Variants in COL22A1 observed in about 807,000 individuals in gnomAD.
COL22A1 encodes collagen type XXII alpha 1 chain, also known as collagen alpha-1(XXII) chain.
COL22A1 carries 221 observed loss-of-function variants against 248.9 expected under a neutral mutation model. The observed-to-expected ratio is 0.89, with a 90% CI of 0.80 to 0.99. COL22A1 has a LOEUF of 0.99. COL22A1 is among the 50% of genes least tolerant of loss of function. The probability of loss-of-function intolerance (pLI) is 0.00; values close to 1 mark genes in which losing one functional copy is unlikely to be tolerated. For synonymous variants in COL22A1, 891 were observed against 793.4 expected, an observed-to-expected ratio of 1.12 and a Z score of -2.07; for missense variants, 2,240 against 2,179.0, an observed-to-expected ratio of 1.03 and a Z score of -0.56.
At chr8:138,831,477 T>C (rs1192618877) in intron 5 of COL22A1, among the ~76,000 whole-genome samples, 1 of 152,202 alleles carries the variant, frequency 6.6e-6, no homozygotes, top group Non-Finnish European at 1.5e-5. Flanking sequence ...TAACACATTC[T>C]GTACAGAAGT....
chr8:138,903,795 C>G (rs1328859177), intron 1 of COL22A1, among the ~76,000 whole-genome samples: 1 of 152,164 alleles, frequency 6.6e-6, no homozygotes, highest in Non-Finnish European at 1.5e-5. Context: ...CCCCACATCC[C>G]CCTGGATGCT....
At chr8:138,655,222 A>C (rs1823129738) in intron 45 of COL22A1, among the ~76,000 whole-genome samples, 1 of 152,228 alleles carries the variant, frequency 6.6e-6, no homozygotes, top group Non-Finnish European at 1.5e-5. Context: ...CACATTAAAC[A>C]TTTAGTGTAG....
intron 41 of COL22A1, among the ~76,000 whole-genome samples, chr8:138,673,843 C>T (rs188458666): frequency 1.5e-4 from 23 of 152,262 alleles, no homozygotes; most frequent in African/African-American, 4.8e-4. Flanking sequence ...GGCCCAACCA[C>T]AGGGAAGGCT....
intron 59 of COL22A1, 148 bp from the exon 60 acceptor site, chr8:138,602,307 C>A: frequency 1.3e-6 from 1 of 740,918 alleles, no homozygotes. Context: ...TGATTTATGC[C>A]TACATGGTGG....
chr8:138,719,507 C>G (rs1829706239), intron 27 of COL22A1, among the ~76,000 whole-genome samples: 1 of 152,086 alleles, frequency 6.6e-6, no homozygotes, highest in African/African-American at 2.4e-5. Context: ...TTTGAGTCAA[C>G]CTGGGTGTGC....
In COL22A1 at chr8:138,650,719, CAGAT is replaced by C. The variant is rs1349813385; in HGVS notation, c.3334-945_3334-942del. On this transcript the variant is annotated intron_variant, in intron 45 of 64. Transcript: ENST00000303045. ...ATAGATAGATAGATAGATAGATAGA[CAGAT>C]AGACAGATACACAGATACATATAGA... Among the ~76,000 whole-genome samples the C allele has an allele frequency of 3.1e-3, 381 of 123,874 alleles. 1 individual carries two copies. The highest frequency in any genetic ancestry group is 0.011 in the African/African-American group (367 of 34,264). The allele number at this position is 123,874 out of a possible 152,430, so 81.3% of individuals were successfully genotyped here. A position where few individuals can be genotyped will look rare whatever the true frequency, so the allele number is the denominator to read the frequency against.
intron 42 of COL22A1, among the ~76,000 whole-genome samples, chr8:138,662,438 C>T (rs759017249): frequency 1.3e-5 from 2 of 152,104 alleles, no homozygotes; most frequent in Non-Finnish European, 2.9e-5. Flanking sequence ...TAACCAGCCC[C>T]GAGAGCTCTA....
At chr8:138,641,470 C>T (rs79702517) in intron 47 of COL22A1, among the ~76,000 whole-genome samples, 2,749 of 152,304 alleles carry the variant, frequency 0.018, 74 homozygotes, top group African/African-American at 0.062. Flanking sequence ...AGAATACATG[C>T]TCCCAGGGTC....
chr8:138,629,450 G>A (rs993340256), intron 50 of COL22A1, among the ~76,000 whole-genome samples: 11 of 152,146 alleles, frequency 7.2e-5, no homozygotes, highest in Admixed American at 3.9e-4. Flanking sequence ...CACTGTGCCC[G>A]GCCCAGTATA....
At position 138,821,213 on chromosome 8, in the gene COL22A1, T is replaced by C. The variant is rs1819094962; in HGVS notation, c.1168A>G (p.Ile390Val). ...ATGTCAATGTTCTCCCGTTCCTCGA[T>C]GGGTAGTGTCTGCACCAGCGCACAG... is the stretch of plus-strand genomic sequence containing the variant. ...IDCALVQTLP[I>V]EERENIDIQG... is the part of the protein sequence containing the mutation. The change falls in exon 7 of 65, where the codon ATC becomes GTC. Residue 390 changes from isoleucine (I) to valine (V), a missense_variant. Physicochemically the swap from Ile to Val is conservative, Grantham distance 29. Transcript: ENST00000303045. The C allele has an allele frequency of 1.5e-5, 24 of 1,614,192 alleles. No homozygotes were observed. The highest frequency in any genetic ancestry group is 2.0e-5 in the Non-Finnish European group (24 of 1,180,022).
intron 59 of COL22A1, among the ~76,000 whole-genome samples, chr8:138,603,333 G>T (rs1256660595): frequency 6.6e-6 from 1 of 152,194 alleles, no homozygotes; most frequent in Non-Finnish European, 1.5e-5. Context: ...ATTCCTGGAT[G>T]AATCTTTAAG....
intron 18 of COL22A1, among the ~76,000 whole-genome samples, chr8:138,756,774 C>T (rs762962843): frequency 4.6e-5 from 7 of 152,052 alleles, no homozygotes; most frequent in Non-Finnish European, 8.8e-5. Context: ...GAAAATGTTT[C>T]CTCTGAGACC....
rs71316364 is a variant in COL22A1 at position 138,822,033 on chromosome 8, TTTTTG to T, written c.970-627_970-623del. On this transcript the variant is annotated intron_variant, in intron 6 of 64. Coordinates refer to ENST00000303045, the MANE Select transcript of COL22A1 (RefSeq NM_152888.3). The stretch of plus-strand genomic sequence containing the variant: ...AAGATTTTACTGTTTTACTTCCGAT[TTTTTG>T]TTTTGTTTTGTTTTGTTTTGTTTTG... Among the ~76,000 whole-genome samples the T allele has an allele frequency of 1.5e-3, 228 of 150,168 alleles. 1 individual carries two copies. Among genetic ancestry groups the T allele is most frequent in the South Asian group, 6.2e-3 (29 of 4,686 alleles).
At chr8:138,753,301 T>G (rs1033795065) in intron 21 of COL22A1, among the ~76,000 whole-genome samples, 16 of 152,244 alleles carry the variant, frequency 1.1e-4, no homozygotes, top group Admixed American at 3.3e-4. Flanking sequence ...ATGTTGGTCC[T>G]CGACTAAAGA....
intron 36 of COL22A1, 124 bp from the exon 37 acceptor site, chr8:138,689,094 T>C: frequency 1.4e-6 from 1 of 722,412 alleles, no homozygotes; most frequent in Non-Finnish European, 2.5e-6. Context: ...TCCCACCCAA[T>C]TCCCATACTT....
chr8:138,763,348 C>T (rs1165593053), intron 16 of COL22A1, among the ~76,000 whole-genome samples: 2 of 151,924 alleles, frequency 1.3e-5, no homozygotes, highest in Admixed American at 6.6e-5. Context: ...GGTCATGCCA[C>T]TGCTCTCCAG....
chr8:138,796,762 A>G, intron 12 of COL22A1, 57 bp downstream of exon 12: 1 of 1,204,726 alleles, frequency 8.3e-7, no homozygotes, highest in Non-Finnish European at 1.2e-6. Flanking sequence ...ACCTCCCCCA[A>G]ACCTAAGTCC....
intron 41 of COL22A1, among the ~76,000 whole-genome samples, chr8:138,668,897 G>T (rs1052078545): frequency 6.6e-6 from 1 of 152,250 alleles, no homozygotes; most frequent in Non-Finnish European, 1.5e-5. Flanking sequence ...CCCAGAGGGG[G>T]ATAGGCGAAA....
rs184573653 is a variant in COL22A1 at position 138,617,080 on chromosome 8, G to T, written c.3826-122C>A. ...CCCGCTCATTCTTTACCATTTGCAGGATACTGAGCCCTACTTGGTGCCATG... is the reference window on the plus strand; with the variant it reads ...CCCGCTCATTCTTTACCATTTGCAGTATACTGAGCCCTACTTGGTGCCATG... On this transcript the variant is annotated intron_variant, in intron 53 of 64. Transcript: ENST00000303045. 5.1e-4 allele frequency: 510 copies of T among 1,003,156 alleles called. 3 individuals carry two copies. In the African/African-American group the frequency reaches 7.2e-3, roughly 14 times the overall value. 62.1% of individuals were successfully genotyped at this position (1,003,156 alleles called of 1,614,324 possible).
Sources: gnomAD v4.1 joint callset for allele counts (sites outside exome capture counted in the v4.1 genomes callset) on GRCh38, gnomAD v4.1.1 for gene constraint, MANE v1.5 for transcripts, NCBI Gene and HGNC (gene_info 2026-07-23, HGNC 2026-07-21) for gene names.